The following P3H2 variants were observed in gnomAD, a reference collection of about 807,000 sequenced individuals.
The protein encoded by P3H2 is leprecan-like 1.
In P3H2, 80 loss-of-function variants were observed where a neutral mutation model predicts 87.0. The observed-to-expected ratio is 0.92, with a 90% CI of 0.77 to 1.11. The LOEUF (loss-of-function observed/expected upper bound fraction) is 1.11, where lower values mean the gene tolerates loss of function less well. P3H2 is among the 50% of genes least tolerant of loss of function. The probability of loss-of-function intolerance (pLI) is 0.00; values close to 1 mark genes in which losing one functional copy is unlikely to be tolerated. For missense variants in P3H2, 1,001 were observed against 923.9 expected (o/e 1.08, Z -1.08); for synonymous variants, 367 against 359.3 (o/e 1.02, Z -0.24).
At position 190,007,965 on chromosome 3, in the gene P3H2, C is replaced by CATATATATATATATATATATAT. The variant is rs1553875103; in HGVS notation, c.481-12524_481-12523insATATATATATATATATATATAT. 5.3e-5 allele frequency among the ~76,000 whole-genome samples: 5 copies of CATATATATATATATATATATAT among 94,324 alleles called. No individual in the cohort carries two copies. The South Asian group carries it at 2.1e-3, about 39-fold the overall frequency. The allele number at this position is 94,324 out of a possible 152,430, so 61.9% of individuals were successfully genotyped here. ...GCCTGAGACTCTATTTGTTGACACA[C>CATATATATATATATATATATAT]ATATATATATATATATATATAGTAA... On this transcript the variant is annotated intron_variant, in intron 1 of 14. Coordinates refer to ENST00000319332, the MANE Select transcript of P3H2 (RefSeq NM_018192.4).
chr3:189,986,864 A>C lies in P3H2; in HGVS notation c.1112T>G (p.Phe371Cys), dbSNP rs747764951. 6.2e-7 allele frequency: 1 copy of C among 1,609,658 alleles called. No individual in the cohort carries two copies. The highest frequency in any genetic ancestry group is 8.5e-7 in the Non-Finnish European group (1 of 1,176,078). ...SIEAREDLTM[F>C]VKRHKLESEL... ...AGACTCCAGCTTATGACGTTTCACA[A>C]ACATTGTTAAATCCTAGAGAAAAAG... The change falls in exon 6 of 15, where the codon TTT becomes TGT. Residue 371 changes from phenylalanine (F) to cysteine (C), a missense_variant. Physicochemically the swap from Phe to Cys is radical, Grantham distance 205. Coordinates refer to ENST00000319332, the MANE Select transcript of P3H2 (RefSeq NM_018192.4).
At chr3:189,973,224 A>G (rs1227186437) in intron 10 of P3H2, 200 bp from the exon 11 acceptor site, 3 of 579,120 alleles carry the variant, frequency 5.2e-6, no homozygotes, top group Admixed American at 6.0e-5. Context: ...TGGAAAGCTA[A>G]AAGCTACTTG....
chr3:190,060,219 GA>G (rs151104132), intron 1 of P3H2, among the ~76,000 whole-genome samples: 1 of 150,286 alleles, frequency 6.7e-6, no homozygotes, highest in African/African-American at 2.4e-5. Context: ...GGATGTTAAG[GA>G]AAAAAAAATA....
At chr3:190,071,605 A>G (rs1726699723) in intron 1 of P3H2, among the ~76,000 whole-genome samples, 1 of 152,244 alleles carries the variant, frequency 6.6e-6, no homozygotes. Context: ...AGGAAAGATC[A>G]TAGTCACCAA....
intron 1 of P3H2, among the ~76,000 whole-genome samples, chr3:190,114,888 T>C (rs1299843948): frequency 1.3e-5 from 2 of 152,196 alleles, no homozygotes; most frequent in Non-Finnish European, 2.9e-5. Context: ...TAAAAATAAT[T>C]TAAATATGAA....
chr3:189,967,965 A>G (rs1472820490), intron 13 of P3H2, among the ~76,000 whole-genome samples: 1 of 152,206 alleles, frequency 6.6e-6, no homozygotes, highest in Non-Finnish European at 1.5e-5. Context: ...TATGAGGGAC[A>G]AGCATAAAAT....
At chr3:190,113,281 A>T (rs769222889) in intron 1 of P3H2, among the ~76,000 whole-genome samples, 1 of 151,492 alleles carries the variant, frequency 6.6e-6, no homozygotes, top group Non-Finnish European at 1.5e-5. Context: ...GGCCAGTGTC[A>T]TCATCTGTTA....
chr3:189,994,637 C>T (rs1484149190), intron 2 of P3H2, among the ~76,000 whole-genome samples: 2 of 149,088 alleles, frequency 1.3e-5, no homozygotes, highest in Non-Finnish European at 3.0e-5. Context: ...AAGTGACATC[C>T]ACTTTTAGGC....
intron 1 of P3H2, among the ~76,000 whole-genome samples, chr3:190,021,662 C>A (rs1724930269): frequency 7.4e-6 from 1 of 134,854 alleles, no homozygotes; most frequent in African/African-American, 2.6e-5. Flanking sequence ...ATCCAGCTAG[C>A]TGTACATCTG....
intron 4 of P3H2, among the ~76,000 whole-genome samples, chr3:189,988,313 T>C (rs1319417494): frequency 6.6e-6 from 1 of 152,226 alleles, no homozygotes; most frequent in South Asian, 2.1e-4. Flanking sequence ...TTTAAATGTC[T>C]GTATGCCTTG....
At chr3:190,117,280 C>T (rs1295664823) in intron 1 of P3H2, among the ~76,000 whole-genome samples, 2 of 152,204 alleles carry the variant, frequency 1.3e-5, no homozygotes, top group East Asian at 1.9e-4. Flanking sequence ...GATTTTTCAT[C>T]CTTCTTCCCC....
intron 1 of P3H2, among the ~76,000 whole-genome samples, chr3:190,059,275 GTTTTAATAGCT>G (rs2108965803): frequency 6.6e-6 from 1 of 152,170 alleles, no homozygotes; most frequent in Non-Finnish European, 1.5e-5. Flanking sequence ...GCAGGTCTGT[GTTTTAATAGCT>G]GATGCAGACA....
chr3:189,984,786 G>A (rs1237435619), intron 6 of P3H2, among the ~76,000 whole-genome samples, 196 bp from the exon 7 acceptor site: 1 of 152,000 alleles, frequency 6.6e-6, no homozygotes, highest in East Asian at 1.9e-4. Context: ...GTGGAGATTT[G>A]GCAAGGAAAA....
chr3:190,080,528 G>GT (rs528597576), intron 1 of P3H2, among the ~76,000 whole-genome samples: 268 of 152,144 alleles, frequency 1.8e-3, no homozygotes, highest in African/African-American at 6.0e-3. Context: ...AGCCTCCCGA[G>GT]TAGCTGGGAT....
rs1033144413 is a variant in P3H2 at position 190,022,207 on chromosome 3, T to C, written c.481-26765A>G. 9.6e-5 allele frequency among the ~76,000 whole-genome samples: 13 copies of C among 135,566 alleles called. 3 individuals are homozygous for C. Among genetic ancestry groups the C allele is most frequent in the African/African-American group, 3.3e-4 (13 of 39,308 alleles). 88.9% of individuals were successfully genotyped at this position (135,566 alleles called of 152,430 possible). A position where few individuals can be genotyped will look rare whatever the true frequency, so the allele number is the denominator to read the frequency against. ...AGCATCTCACAAATAATATTCCATA[T>C]AATAAACAGTAAATTCTTAAAATTT... On this transcript the variant is annotated intron_variant, in intron 1 of 14. Coordinates refer to ENST00000319332, the MANE Select transcript of P3H2 (RefSeq NM_018192.4).
chr3:190,092,695 G>C (rs972049648), intron 1 of P3H2, among the ~76,000 whole-genome samples: 1 of 152,186 alleles, frequency 6.6e-6, no homozygotes, highest in African/African-American at 2.4e-5. Context: ...TATTTTGAAA[G>C]CTCATTCATT....
Position 190,044,231 on chromosome 3 carries a change from A to G in P3H2, c.481-48789T>C, listed in dbSNP as rs558739540. On this transcript the variant is annotated intron_variant, in intron 1 of 14. Transcript: ENST00000319332. ...ATTAGCTAATACTTGAGCACTTGTC[A>G]GGAGCACACGTTGTTTCCCAGATGC... 9.2e-5 allele frequency among the ~76,000 whole-genome samples: 14 copies of G among 152,328 alleles called. No homozygotes were observed. In the East Asian group the frequency reaches 2.7e-3, roughly 29 times the overall value.
chr3:190,110,886 C>A (rs1211264194), intron 1 of P3H2, among the ~76,000 whole-genome samples: 1 of 152,158 alleles, frequency 6.6e-6, no homozygotes, highest in Non-Finnish European at 1.5e-5. Context: ...TTGCTTTTAT[C>A]CATTCCTTTC....
At chr3:189,981,124 C>T (rs1178577684) in intron 8 of P3H2, among the ~76,000 whole-genome samples, 1 of 152,228 alleles carries the variant, frequency 6.6e-6, no homozygotes, top group Non-Finnish European at 1.5e-5. Flanking sequence ...TCATCTGTAT[C>T]CTTTATAATA....
Sources: gnomAD v4.1 joint callset for allele counts (sites outside exome capture counted in the v4.1 genomes callset) on GRCh38, gnomAD v4.1.1 for gene constraint, MANE v1.5 for transcripts, NCBI Gene and HGNC (gene_info 2026-07-23, HGNC 2026-07-21) for gene names.